Variants in SCAPER observed in about 807,000 individuals in gnomAD.
SCAPER encodes S-phase cyclin A associated protein in the ER.
A neutral mutation model predicts 182.2 loss-of-function variants in SCAPER; 98 were observed. That is an observed-to-expected ratio of 0.54 (90% confidence interval 0.46 to 0.64). SCAPER has a LOEUF of 0.64. Among genes scored for constraint, SCAPER ranks in the 30% least tolerant of loss-of-function variants. The probability of loss-of-function intolerance (pLI) is 0.00; values close to 1 mark genes in which losing one functional copy is unlikely to be tolerated. For synonymous variants in SCAPER, 605 were observed against 564.6 expected (o/e 1.07, Z -1.01); for missense variants, 1,432 against 1,690.0 (o/e 0.85, Z 2.68).
At chr15:76,352,943 GAAC>G (rs1566976681) in intron 30 of SCAPER, among the ~76,000 whole-genome samples, 1 of 151,522 alleles carries the variant, frequency 6.6e-6, no homozygotes, top group African/African-American at 2.4e-5. Flanking sequence ...GATTCAAACA[GAAC>G]AATTAAGCCG....
intron 5 of SCAPER, among the ~76,000 whole-genome samples, chr15:76,817,966 A>G (rs1356294331): frequency 6.6e-6 from 1 of 152,254 alleles, no homozygotes; most frequent in Non-Finnish European, 1.5e-5. Flanking sequence ...TCTAAAGTTT[A>G]CAGCAGAAGC....
intron 21 of SCAPER, among the ~76,000 whole-genome samples, chr15:76,640,849 C>T (rs573780794): frequency 7.4e-4 from 113 of 152,276 alleles, no homozygotes; most frequent in African/African-American, 2.6e-3. Context: ...GCCAACAGCA[C>T]GTGATGTGCT....
intron 6 of SCAPER, among the ~76,000 whole-genome samples, chr15:76,801,413 T>C (rs2065779718): frequency 6.6e-6 from 1 of 152,218 alleles, no homozygotes; most frequent in Admixed American, 6.5e-5. Context: ...GCAAAACAAA[T>C]ATATAAATAT....
intron 23 of SCAPER, among the ~76,000 whole-genome samples, chr15:76,558,413 A>T (rs1410060342): frequency 6.6e-6 from 1 of 152,230 alleles, no homozygotes; most frequent in Admixed American, 6.5e-5. Context: ...TAACCATTAG[A>T]GAAATCCATA....
chr15:76,623,854 C>T (rs529707571), intron 21 of SCAPER, among the ~76,000 whole-genome samples: 11 of 148,738 alleles, frequency 7.4e-5, no homozygotes, highest in South Asian at 4.3e-4. Context: ...TAAAATCCAA[C>T]ATCCCTTCAT....
At chr15:76,509,390 T>C (rs1033698226) in intron 23 of SCAPER, among the ~76,000 whole-genome samples, 3 of 152,216 alleles carry the variant, frequency 2.0e-5, no homozygotes, top group African/African-American at 7.2e-5. Flanking sequence ...TAGGTTCTCA[T>C]GGTATCTTGT....
intron 23 of SCAPER, among the ~76,000 whole-genome samples, chr15:76,508,414 G>A (rs182253): frequency 0.1 from 15,345 of 152,100 alleles, 905 homozygotes; most frequent in African/African-American, 0.17. Flanking sequence ...CAGCTATATT[G>A]GGCATATCTA....
At chr15:76,826,809 C>T (rs562997326) in intron 5 of SCAPER, among the ~76,000 whole-genome samples, 130 of 152,260 alleles carry the variant, frequency 8.5e-4, no homozygotes, top group Middle Eastern at 3.4e-3. Context: ...AAATATAAGT[C>T]CACTTGTGTT....
chr15:76,363,488 C>T (rs141240021), intron 29 of SCAPER, among the ~76,000 whole-genome samples: 132 of 152,348 alleles, frequency 8.7e-4, no homozygotes, highest in African/African-American at 3.1e-3. Flanking sequence ...AGGGCAGAAG[C>T]AGCTTCTTTC....
intron 23 of SCAPER, among the ~76,000 whole-genome samples, chr15:76,527,039 T>A (rs565458818): frequency 8.6e-5 from 13 of 151,046 alleles, no homozygotes; most frequent in Non-Finnish European, 1.9e-4. Context: ...GACTGGCTAA[T>A]TTTTTTTTGT....
At chr15:76,368,739 AAAT>A (rs2041966327) in intron 29 of SCAPER, among the ~76,000 whole-genome samples, 1 of 152,240 alleles carries the variant, frequency 6.6e-6, no homozygotes, top group African/African-American at 2.4e-5. Flanking sequence ...GGGCCTTTCC[AAAT>A]GAAAAAGCCA....
chr15:76,776,355 G>T (rs1568098408), intron 8 of SCAPER, among the ~76,000 whole-genome samples: 1 of 152,082 alleles, frequency 6.6e-6, no homozygotes, highest in Non-Finnish European at 1.5e-5. Context: ...GTTTCAGTAG[G>T]GGTAAACTGG....
intron 23 of SCAPER, among the ~76,000 whole-genome samples, chr15:76,519,157 T>A (rs369306901): frequency 4.6e-5 from 7 of 152,356 alleles, no homozygotes; most frequent in African/African-American, 1.4e-4. Context: ...GGAGCACTTT[T>A]AAGTTCATTC....
intron 22 of SCAPER, among the ~76,000 whole-genome samples, chr15:76,597,498 G>C (rs1348340964): frequency 8.3e-6 from 1 of 120,634 alleles, no homozygotes. Flanking sequence ...ACAGCCAAGA[G>C]AATCCTAAGC....
intron 23 of SCAPER, among the ~76,000 whole-genome samples, chr15:76,521,157 C>A (rs1401638842): frequency 6.6e-6 from 1 of 152,058 alleles, no homozygotes; most frequent in Non-Finnish European, 1.5e-5. Flanking sequence ...CATCTCATTT[C>A]TTTATGAAAA....
chr15:76,644,155 CTT>C (rs1313476701), intron 21 of SCAPER, among the ~76,000 whole-genome samples: 1 of 152,098 alleles, frequency 6.6e-6, no homozygotes, highest in East Asian at 1.9e-4. Context: ...ACGATCAAAA[CTT>C]TTTCATTCTC....
chr15:76,356,596 T>C (rs2040977366), intron 29 of SCAPER, among the ~76,000 whole-genome samples: 1 of 152,198 alleles, frequency 6.6e-6, no homozygotes, highest in Admixed American at 6.5e-5. Context: ...TTTGCCTTAC[T>C]GATGGAGCTC....
chr15:76,512,479 C>A (rs1352431903), intron 23 of SCAPER, among the ~76,000 whole-genome samples: 2 of 151,582 alleles, frequency 1.3e-5, no homozygotes, highest in South Asian at 4.2e-4. Context: ...GCATAGAGTA[C>A]TTTAAGCCAA....
At chr15:76,757,125 T>C (rs1014160294) in intron 14 of SCAPER, among the ~76,000 whole-genome samples, 1 of 152,236 alleles carries the variant, frequency 6.6e-6, no homozygotes, top group Admixed American at 6.5e-5. Context: ...AATGAAGGAA[T>C]ATCTTTGAAT....
Sources: allele counts gnomAD v4.1 joint callset (sites outside exome capture counted in the v4.1 genomes callset), GRCh38; gene constraint gnomAD v4.1.1; transcripts MANE v1.5; gene names NCBI Gene and HGNC (gene_info 2026-07-23, HGNC 2026-07-21).